SLC25A26: variants seen among roughly 807,000 people sequenced by gnomAD.
The protein encoded by SLC25A26 is mitochondrial S-adenosylmethionine carrier protein.
Under a neutral mutation model 37.8 loss-of-function variants are expected in SLC25A26, and 36 were observed. The observed-to-expected ratio is 0.95, with a 90% confidence interval of 0.73 to 1.26. SLC25A26 has a LOEUF of 1.26. SLC25A26 is among the 50% of genes most tolerant of loss of function. The pLI is 0.00. For missense variants in SLC25A26, 390 were observed against 331.1 expected, an observed-to-expected ratio of 1.18 and a Z score of -1.38; for synonymous variants, 129 against 122.5, an observed-to-expected ratio of 1.05 and a Z score of -0.35.
intron 5 of SLC25A26, among the ~76,000 whole-genome samples, chr3:66,295,412 T>G (rs1277431649): frequency 2.7e-5 from 4 of 150,066 alleles, no homozygotes; most frequent in South Asian, 2.1e-4. Flanking sequence ...TTTGTTTTTT[T>G]TTTTTTTTTG....
At position 66,377,870 on chromosome 3, in the gene SLC25A26, C is replaced by G; in HGVS notation, c.*63C>G. ...GGGGCCTGCAGTGCAAACCCTCTTC[C>G]GCTGAGCAGCTGTCTGAACTATAGG... On this transcript the variant is annotated 3_prime_UTR_variant, in exon 10 of 10. Coordinates refer to ENST00000354883, the MANE Select transcript of SLC25A26 (RefSeq NM_001379210.1). 8.2e-7 allele frequency: 1 copy of G among 1,223,882 alleles called. No homozygotes were observed. Among genetic ancestry groups the G allele is most frequent in the Non-Finnish European group, 1.2e-6 (1 of 828,910 alleles). The allele number at this position is 1,223,882 out of a possible 1,614,324, so 75.8% of individuals were successfully genotyped here. A position where few individuals can be genotyped will look rare whatever the true frequency, so the allele number is the denominator to read the frequency against.
chr3:66,355,314 C>T (rs182023810), intron 6 of SLC25A26, among the ~76,000 whole-genome samples: 155 of 151,914 alleles, frequency 1.0e-3, no homozygotes, highest in African/African-American at 3.5e-3. Context: ...TCTCAACCAG[C>T]CAACATATAT....
chr3:66,375,594 GC>G (rs1700600146), intron 9 of SLC25A26, among the ~76,000 whole-genome samples: 2 of 152,172 alleles, frequency 1.3e-5, no homozygotes, highest in Admixed American at 1.3e-4. Context: ...CTCTGCCTCT[GC>G]TGTAGAAATG....
chr3:66,297,900 A>C lies in SLC25A26; in HGVS notation c.453+34521A>C, dbSNP rs531329103. 1.3e-5 allele frequency among the ~76,000 whole-genome samples: 2 copies of C among 152,204 alleles called. 1 individual carries two copies. Among genetic ancestry groups the C allele is most frequent in the African/African-American group, 4.8e-5 (2 of 41,448 alleles). ...TTTTTGTCAATTTCTCTTTAATTCT[A>C]AGTTCTCAAAAGATGTCTGTCTTTA... On this transcript the variant is annotated intron_variant, in intron 5 of 9. Transcript: ENST00000354883.
At chr3:66,163,845 T>C (rs1340002848) in intron 1 of SLC25A26, among the ~76,000 whole-genome samples, 1 of 152,240 alleles carries the variant, frequency 6.6e-6, no homozygotes, top group Non-Finnish European at 1.5e-5. Context: ...GACTAGTGGT[T>C]CTCACCTGGG....
At chr3:66,333,090 A>T (rs1228018607) in intron 5 of SLC25A26, among the ~76,000 whole-genome samples, 1 of 151,952 alleles carries the variant, frequency 6.6e-6, no homozygotes, top group Non-Finnish European at 1.5e-5. Flanking sequence ...ACTATGTTCT[A>T]CCTACCTGTA....
chr3:66,277,104 A>C (rs1264700248), intron 5 of SLC25A26, among the ~76,000 whole-genome samples: 1 of 152,102 alleles, frequency 6.6e-6, no homozygotes, highest in East Asian at 1.9e-4. Context: ...AATTTTTTAA[A>C]ACTTTTACCA....
intron 1 of SLC25A26, among the ~76,000 whole-genome samples, chr3:66,226,355 C>G (rs1240879593): frequency 6.6e-6 from 1 of 152,212 alleles, no homozygotes; most frequent in East Asian, 1.9e-4. Flanking sequence ...TGGGAAAGAC[C>G]TGCCACCATG....
intron 1 of SLC25A26, among the ~76,000 whole-genome samples, chr3:66,208,468 C>G (rs2071209868): frequency 6.6e-6 from 1 of 151,644 alleles, no homozygotes; most frequent in African/African-American, 2.4e-5. Context: ...GCCCTCTTGC[C>G]AGAAAAACAT....
At chr3:66,142,163 G>A (rs1019121726) in intron 1 of SLC25A26, among the ~76,000 whole-genome samples, 2 of 152,156 alleles carry the variant, frequency 1.3e-5, no homozygotes, top group Non-Finnish European at 2.9e-5. Flanking sequence ...GCCTCTGGGT[G>A]ACTCCCAATC....
At position 66,189,964 on chromosome 3, in the gene SLC25A26, C is replaced by T. The variant is rs2070905389; in HGVS notation, c.-353-30778C>T. On this transcript the variant is annotated intron_variant, in intron 1 of 10. Transcript: ENST00000676754. ...ACAGGAGTGAGCCACTGCACCCAGC[C>T]TACTGTATTTTTCAAATATGCTGCT... 2.6e-5 allele frequency among the ~76,000 whole-genome samples: 4 copies of T among 152,272 alleles called. No homozygotes were observed. The South Asian group carries it at 8.3e-4, about 32-fold the overall frequency.
At chr3:66,257,852 C>T (rs754358219) in intron 3 of SLC25A26, among the ~76,000 whole-genome samples, 30 of 152,212 alleles carry the variant, frequency 2.0e-4, no homozygotes, top group Admixed American at 3.3e-4. Context: ...GATCTCCCAC[C>T]CCAGCCACTC....
At position 66,369,467 on chromosome 3, in the gene SLC25A26, T is replaced by A; in HGVS notation, c.569-11T>A. On this transcript the variant is annotated splice_polypyrimidine_tract_variant and intron_variant, in intron 7 of 9. Transcript: ENST00000354883. Reference sequence around the variant, plus strand: ...AGGATCTCACTTGGGTGTTGGGTATTATTTGTACAGGTGGATTTGCCGCTG... The same window carrying A: ...AGGATCTCACTTGGGTGTTGGGTATAATTTGTACAGGTGGATTTGCCGCTG... The A allele has an allele frequency of 6.3e-7, 1 of 1,598,764 alleles. No homozygotes were observed. Among genetic ancestry groups the A allele is most frequent in the Non-Finnish European group, 8.5e-7 (1 of 1,172,476 alleles).
At chr3:66,240,669 T>A (rs554504578) in intron 2 of SLC25A26, among the ~76,000 whole-genome samples, 31 of 152,244 alleles carry the variant, frequency 2.0e-4, no homozygotes, top group Middle Eastern at 6.8e-3. Context: ...CTTTTTATAT[T>A]TTATGTTAGT....
At chr3:66,135,019 C>CG (rs2069926193) in intron 1 of SLC25A26, among the ~76,000 whole-genome samples, 1 of 151,874 alleles carries the variant, frequency 6.6e-6, no homozygotes, top group African/African-American at 2.4e-5. Context: ...TTAGTACAGA[C>CG]GGGGTTTCAC....
chr3:66,260,007 GC>G (rs2073458189), intron 3 of SLC25A26, among the ~76,000 whole-genome samples: 1 of 152,120 alleles, frequency 6.6e-6, no homozygotes, highest in South Asian at 2.1e-4. Flanking sequence ...TGAACACCCT[GC>G]TTTTGTATTT....
At chr3:66,177,422 A>T (rs997990922) in intron 1 of SLC25A26, among the ~76,000 whole-genome samples, 3 of 152,208 alleles carry the variant, frequency 2.0e-5, no homozygotes, top group African/African-American at 7.2e-5. Context: ...ACTCCTAGCA[A>T]TTGTGAAGAT....
At position 66,377,993 on chromosome 3, in the gene SLC25A26, A is replaced by C; in HGVS notation, c.*186A>C. On this transcript the variant is annotated 3_prime_UTR_variant, in exon 10 of 10. Transcript: ENST00000354883. ...GTATGAAGTCATTGGCCTGTATGCCAGAGAGCTAAGAGAAGAAAACGGGGT... is the reference window on the plus strand; with the variant it reads ...GTATGAAGTCATTGGCCTGTATGCCCGAGAGCTAAGAGAAGAAAACGGGGT... 3.8e-6 allele frequency: 2 copies of C among 529,378 alleles called. No homozygotes were observed. The highest frequency in any genetic ancestry group is 2.9e-5 in the East Asian group (1 of 34,802). The allele number at this position is 529,378 out of a possible 1,614,324, so 32.8% of individuals were successfully genotyped here.
chr3:66,147,043 T>C (rs982410275), intron 1 of SLC25A26, among the ~76,000 whole-genome samples: 1 of 137,902 alleles, frequency 7.3e-6, no homozygotes, highest in Non-Finnish European at 1.5e-5. Context: ...CCACGATGTA[T>C]CTTCCCTTCC....
Sources: allele counts gnomAD v4.1 joint callset (sites outside exome capture counted in the v4.1 genomes callset), GRCh38; gene constraint gnomAD v4.1.1; transcripts MANE v1.5; gene names NCBI Gene and HGNC (gene_info 2026-07-23, HGNC 2026-07-21).